LTF: variants seen among roughly 807,000 people sequenced by gnomAD.
LTF encodes lactotransferrin.
In LTF, 91 loss-of-function variants were observed where a neutral mutation model predicts 87.2. The ratio of observed to expected loss-of-function variants is 1.04; its 90% CI spans 0.88 to 1.24. The LOEUF is 1.24. Among genes scored for constraint, LTF ranks in the 50% most tolerant of loss-of-function variants. The probability of loss-of-function intolerance (pLI) is 0.00; values close to 1 mark genes in which losing one functional copy is unlikely to be tolerated. For missense variants in LTF, 901 were observed against 904.3 expected, an observed-to-expected ratio of 1.00 and a Z score of 0.05; for synonymous variants, 378 against 356.1, an observed-to-expected ratio of 1.06 and a Z score of -0.69.
At chr3:46,462,832 G>T (rs1225453868) in intron 1 of LTF, among the ~76,000 whole-genome samples, 2 of 151,292 alleles carry the variant, frequency 1.3e-5, no homozygotes, top group African/African-American at 4.9e-5. Flanking sequence ...AATCAGCTTG[G>T]TAATGGGTGG....
Position 46,482,530 on chromosome 3 carries a change from G to A in LTF, c.-320+2456C>T, listed in dbSNP as rs13090605. Among the ~76,000 whole-genome samples the A allele has an allele frequency of 7.3e-3, 512 of 70,220 alleles. 31 individuals are homozygous for A. Among genetic ancestry groups the A allele is most frequent in the Middle Eastern group, 0.057 (6 of 106 alleles). 46.1% of individuals were successfully genotyped at this position (70,220 alleles called of 152,430 possible). The stretch of plus-strand genomic sequence containing the variant: ...GAAGGGAAGGGAAGGGAAGGGAAGG[G>A]AAGGGAAGGGAAGGGAAGGGAAGGG... On this transcript the variant is annotated intron_variant, in intron 1 of 19. Coordinates refer to the LTF transcript ENST00000443496.
At chr3:46,443,665 G>A in intron 12 of LTF, 83 bp from the exon 13 acceptor site, 1 of 1,434,218 alleles carries the variant, frequency 7.0e-7, no homozygotes, top group Admixed American at 1.7e-5. Context: ...ATGCAGGGTG[G>A]TTTCAGTTCA....
intron 14 of LTF, among the ~76,000 whole-genome samples, chr3:46,440,310 T>A (rs749898467): frequency 6.6e-6 from 1 of 152,242 alleles, no homozygotes; most frequent in African/African-American, 2.4e-5. Flanking sequence ...CTCCTCCCTT[T>A]CATATTCAAA....
At chr3:46,452,787 G>A (rs1051895729) in intron 6 of LTF, among the ~76,000 whole-genome samples, 1 of 152,162 alleles carries the variant, frequency 6.6e-6, no homozygotes, top group Non-Finnish European at 1.5e-5. Context: ...TTTATTGTAA[G>A]GTAAATTGCC....
chr3:46,444,789 G>A (rs1440816432), intron 12 of LTF, among the ~76,000 whole-genome samples: 1 of 152,202 alleles, frequency 6.6e-6, no homozygotes, highest in East Asian at 1.9e-4. Flanking sequence ...AGTGTGGGGT[G>A]TGGTGGGGAG....
upstream of LTF, among the ~76,000 whole-genome samples, chr3:46,466,372 G>A (rs1703214152): frequency 6.6e-6 from 1 of 152,216 alleles, no homozygotes; most frequent in Non-Finnish European, 1.5e-5. Flanking sequence ...TGCTTATTCT[G>A]AAAAGCTGGT....
rs367657070 is a variant in LTF, at chr3:46,447,371, C to G, written c.1240G>C (p.Asp414His). 6.2e-7 allele frequency: 1 copy of G among 1,614,038 alleles called. No homozygotes were observed. Among genetic ancestry groups the G allele is most frequent in the African/African-American group, 1.3e-5 (1 of 74,942 alleles). ...CCTGCAGTGTACACATATCCTCCAT[C>G]CAAACTCATGGCATCAGCTTCTCCT... ...LKGEADAMSLDGGYVYTAGKC... is the reference protein window; with the variant it reads ...LKGEADAMSLHGGYVYTAGKC... The change falls in exon 10 of 17, where the codon GAT becomes CAT. Residue 414 changes from aspartate to histidine, a missense_variant. Coordinates refer to ENST00000231751, the MANE Select transcript of LTF (RefSeq NM_002343.6).
chr3:46,458,020 G>A (rs536864371), intron 2 of LTF, among the ~76,000 whole-genome samples: 3 of 151,678 alleles, frequency 2.0e-5, no homozygotes, highest in East Asian at 1.9e-4. Flanking sequence ...TCCTGACCTC[G>A]TGATCCACCT....
chr3:46,479,659 GA>G (rs1703407059), intron 1 of LTF, among the ~76,000 whole-genome samples: 1 of 152,168 alleles, frequency 6.6e-6, no homozygotes, highest in Admixed American at 6.5e-5. Context: ...AAGTAGCAGG[GA>G]TTACAGGCAA....
At chr3:46,467,816 A>G (rs1238163526), upstream of LTF, among the ~76,000 whole-genome samples, 1 of 151,942 alleles carries the variant, frequency 6.6e-6, no homozygotes, top group Non-Finnish European at 1.5e-5. Context: ...GCACCCAGCC[A>G]TGGCTTGGAA....
At chr3:46,473,845 G>A (rs1383067583) in intron 1 of LTF, among the ~76,000 whole-genome samples, 2 of 152,140 alleles carry the variant, frequency 1.3e-5, no homozygotes, top group Non-Finnish European at 2.9e-5. Flanking sequence ...CAGATTCCAG[G>A]AATTAGGACA....
At chr3:46,446,415 C>T (rs781413765) in intron 11 of LTF, 25 bp downstream of exon 11, 4 of 1,603,426 alleles carry the variant, frequency 2.5e-6, no homozygotes, top group Non-Finnish European at 3.4e-6. Context: ...ATCCTTGACC[C>T]TGAAAGTGGC....
chr3:46,440,857 C>G (rs1411671322), intron 14 of LTF, among the ~76,000 whole-genome samples: 1 of 152,076 alleles, frequency 6.6e-6, no homozygotes, highest in East Asian at 1.9e-4. Flanking sequence ...TGGCTGAGGA[C>G]CAGGAGAGAG....
upstream of LTF, among the ~76,000 whole-genome samples, chr3:46,468,810 C>T (rs1703247796): frequency 6.6e-6 from 1 of 152,218 alleles, no homozygotes; most frequent in Non-Finnish European, 1.5e-5. Context: ...TTGAGAACCA[C>T]TTGTTAAACA....
Position 46,450,574 on chromosome 3 carries a change from C to T in LTF, c.803G>A (p.Arg268Gln), listed in dbSNP as rs768241873. The T allele has an allele frequency of 1.4e-5, 23 of 1,614,152 alleles. No homozygotes were observed. Among genetic ancestry groups the T allele is most frequent in the Admixed American group, 1.3e-4 (8 of 60,024 alleles). Residue 268 changes from arginine (R) to glutamine (Q), a missense_variant, in exon 7 of 17, where the codon CGG (arginine) becomes CAG (glutamine). Physicochemically the swap from Arg to Gln is conservative, Grantham distance 43 (BLOSUM62 1). Transcript: ENST00000231751. ...TGCCACAACGGCATGAGAAGGGACC[C>T]GGGCCAGATGGCAGTCTTTGAACTT... ...VDKFKDCHLA[R>Q]VPSHAVVARS...
upstream of LTF, chr3:46,468,273 A>G (rs1165847312): frequency 8.8e-6 from 4 of 456,670 alleles, no homozygotes; most frequent in South Asian, 1.5e-5. Context: ...ACACTGGTCT[A>G]TGGGACATCT....
chr3:46,464,964 A>G (rs1703178371), upstream of LTF: 2 of 1,222,104 alleles, frequency 1.6e-6, no homozygotes, highest in African/African-American at 1.5e-5. Flanking sequence ...CTGTTGCCCA[A>G]TAGACACCCC....
At chr3:46,445,515 G>T in intron 11 of LTF, 79 bp from the exon 12 acceptor site, 1 of 1,350,130 alleles carries the variant, frequency 7.4e-7, no homozygotes, top group Non-Finnish European at 1.0e-6. Context: ...GCTGTCTACA[G>T]CCCAGGCCAA....
chr3:46,437,800 T>C (rs2106823320), intron 16 of LTF, 140 bp downstream of exon 16: 3 of 676,988 alleles, frequency 4.4e-6, no homozygotes, highest in Non-Finnish European at 7.7e-6. Flanking sequence ...AATGAGATTA[T>C]AATTTCCTGA....
Sources: allele counts gnomAD v4.1 joint callset (sites outside exome capture counted in the v4.1 genomes callset), GRCh38; gene constraint gnomAD v4.1.1; transcripts MANE v1.5; gene names NCBI Gene and HGNC (gene_info 2026-07-23, HGNC 2026-07-21).